Variants in PSG5 observed in about 807,000 individuals in gnomAD.
The protein encoded by PSG5 is pregnancy-specific beta-1-glycoprotein 5.
Under a neutral mutation model 37.7 loss-of-function variants are expected in PSG5, and 53 were observed. The ratio of observed to expected loss-of-function variants is 1.41; its 90% CI spans 1.13 to 1.77. PSG5 has a LOEUF of 1.77. Ranked by LOEUF, PSG5 falls within the 40% of genes most tolerant of loss-of-function variation. The pLI is 0.00. For synonymous variants in PSG5, 221 were observed against 155.4 expected (o/e 1.42, Z -3.14); for missense variants, 547 against 405.2 (o/e 1.35, Z -3.00).
chr19:43,179,709 A>G (rs1286931588), intron 2 of PSG5, among the ~76,000 whole-genome samples: 1 of 151,702 alleles, frequency 6.6e-6, no homozygotes, highest in African/African-American at 2.4e-5. Context: ...CCTGGAGGTC[A>G]GTTCAGTCAT....
intron 2 of PSG5, among the ~76,000 whole-genome samples, chr19:43,178,575 C>T (rs1308094302): frequency 6.6e-6 from 1 of 151,620 alleles, no homozygotes; most frequent in Non-Finnish European, 1.5e-5. Flanking sequence ...AGCCAAGTCG[C>T]AACACTGAAG....
At chr19:43,182,999 A>G (rs1001893256) in intron 2 of PSG5, among the ~76,000 whole-genome samples, 6 of 150,800 alleles carry the variant, frequency 4.0e-5, no homozygotes, top group African/African-American at 1.5e-4. Flanking sequence ...CAGCCAGCCT[A>G]GTTAGAGGGA....
Position 43,186,323 on chromosome 19 carries a change from CA to C in PSG5, c.64+18del, listed in dbSNP as rs1348116124. 1 of 1,611,602 alleles carries C rather than the reference CA, an allele frequency of 6.2e-7. No individual in the cohort carries two copies. Among genetic ancestry groups the C allele is most frequent in the African/African-American group, 1.3e-5 (1 of 74,516 alleles). Reference sequence around the variant, plus strand: ...TCTTCTTCCTCCTCCTGTCCTCTCCCAGGAAGTTCTCTCCTCACCTGTGAGC... The same window carrying C: ...TCTTCTTCCTCCTCCTGTCCTCTCCCGGAAGTTCTCTCCTCACCTGTGAGC... On this transcript the variant is annotated intron_variant, in intron 1 of 5. Transcript: ENST00000342951.
intron 2 of PSG5, among the ~76,000 whole-genome samples, chr19:43,176,805 T>C (rs1304473975): frequency 6.7e-6 from 1 of 150,096 alleles, no homozygotes; most frequent in African/African-American, 2.5e-5. Context: ...TAGAGCAGAG[T>C]GCAAGGAATG....
At position 43,175,297 on chromosome 19, in the gene PSG5, C is replaced by A. The variant is rs532923825; in HGVS notation, c.882G>T (p.Lys294Asn). ...QKLSIPQITT[K>N]HRGLYTCSVR... The stretch of plus-strand genomic sequence containing the variant: ...CAGAGCAAGTATAGAGCCCTCTATG[C>A]TTTGTAGTAATTTGGGGGATAGAGA... Residue 294 changes from lysine to asparagine, a missense_variant, in exon 4 of 6, where the codon AAG becomes AAT. Transcript: ENST00000342951. The A allele has an allele frequency of 2.2e-5, 36 of 1,612,770 alleles. No individual in the cohort carries two copies. Among genetic ancestry groups the A allele is most frequent in the East Asian group, 1.6e-4 (7 of 44,880 alleles).
chr19:43,182,209 C>A (rs1337049024), intron 2 of PSG5, among the ~76,000 whole-genome samples: 3 of 151,668 alleles, frequency 2.0e-5, no homozygotes, highest in Non-Finnish European at 4.4e-5. Context: ...CTTTGTCAAA[C>A]TAGTGAAAGA....
At chr19:43,182,455 C>T (rs1266438355) in intron 2 of PSG5, among the ~76,000 whole-genome samples, 1 of 151,458 alleles carries the variant, frequency 6.6e-6, no homozygotes, top group Non-Finnish European at 1.5e-5. Flanking sequence ...ATGGCTCAGC[C>T]AGTCATGTGG....
At chr19:43,179,241 C>T in intron 2 of PSG5, 1 of 1,423,206 alleles carries the variant, frequency 7.0e-7, no homozygotes, top group Non-Finnish European at 9.7e-7. Flanking sequence ...TTGGCATTTC[C>T]CACCTGTCAG....
At chr19:43,170,236 G>T (rs1158858898) in intron 4 of PSG5, 98 bp from the exon 5 acceptor site, 2 of 1,077,144 alleles carry the variant, frequency 1.9e-6, no homozygotes, top group East Asian at 3.0e-5. Context: ...CTCTATAATT[G>T]TTTCTTCAAG....
At chr19:43,175,116 G>A (rs1968977203) in intron 4 of PSG5, 99 bp downstream of exon 4, 12 of 1,605,760 alleles carry the variant, frequency 7.5e-6, no homozygotes, top group East Asian at 4.5e-5. Context: ...GTGCCCATGG[G>A]ACACAGGCTG....
In PSG5 at chr19:43,179,157, A is replaced by G. The variant is rs370551596; in HGVS notation, c.431-3009T>C. 2,165 of 1,587,450 alleles carry G rather than the reference A, an allele frequency of 1.4e-3. 62 individuals are homozygous for G. The South Asian group carries it at 0.023, about 17-fold the overall frequency. ...GGAGATGGAGGGCTTGGGAGTTTCC[A>G]CTTTGCAGAAAACAGAGAGAAGATT... On this transcript the variant is annotated intron_variant, in intron 2 of 5. Transcript: ENST00000342951.
chr19:43,168,737 T>C (rs567492131), intron 5 of PSG5, among the ~76,000 whole-genome samples: 1 of 151,786 alleles, frequency 6.6e-6, no homozygotes, highest in East Asian at 1.9e-4. Context: ...TCACTTATCC[T>C]TTATTTGAAA....
chr19:43,178,844 G>A (rs1156823764), intron 2 of PSG5: 3 of 1,612,754 alleles, frequency 1.9e-6, no homozygotes, highest in East Asian at 2.2e-5. Flanking sequence ...ATTTGGGATG[G>A]CAGCCTGGCT....
chr19:43,179,303 T>C (rs1969078586), intron 2 of PSG5: 1 of 1,211,718 alleles, frequency 8.3e-7, no homozygotes, highest in East Asian at 2.4e-5. Flanking sequence ...ACAAGACAGA[T>C]GCATGGCAAT....
In PSG5 at chr19:43,185,061, C is replaced by T. The variant is rs536810970; in HGVS notation, c.151G>A (p.Val51Ile). 79 of 1,612,518 alleles carry T rather than the reference C, an allele frequency of 4.9e-5. 1 individual carries two copies. In the South Asian group the frequency reaches 8.5e-4, roughly 17 times the overall value. Residue 51 changes from valine (V) to isoleucine (I), a missense_variant, in exon 2 of 6, where the codon GTT becomes ATT. By Grantham distance (29) the Val-to-Ile change is conservative. Coordinates refer to ENST00000342951, the MANE Select transcript of PSG5 (RefSeq NM_002781.4). Reference protein sequence around the residue: ...LPPKVSEGKDVLLLVHNLPQN... With the variant: ...LPPKVSEGKDILLLVHNLPQN... ...GGCAAATTGTGGACAAGTAGAAGAA[C>T]ATCCTTCCCCTCGGAAACTTTGGGT...
chr19:43,175,780 C>A, intron 3 of PSG5, 90 bp downstream of exon 3: 2 of 1,577,792 alleles, frequency 1.3e-6, no homozygotes. Flanking sequence ...GGTGTCTATA[C>A]TTGGACCGGA....
intron 2 of PSG5, among the ~76,000 whole-genome samples, chr19:43,181,706 G>A (rs1969132287): frequency 6.6e-6 from 1 of 151,752 alleles, no homozygotes; most frequent in Non-Finnish European, 1.5e-5. Context: ...GCCCGCCTCG[G>A]CCTCCCAAAG....
chr19:43,168,029 C>G lies in PSG5; in HGVS notation c.*215G>C. 2.4e-6 allele frequency: 1 copy of G among 414,664 alleles called. No individual in the cohort carries two copies. The highest frequency in any genetic ancestry group is 4.4e-6 in the Non-Finnish European group (1 of 226,072). The allele number at this position is 414,664 out of a possible 1,614,324, so 25.7% of individuals were successfully genotyped here. ...TTTGTCTAGAATTTCATGAAGGTATCAGCCTGTTCATTAAAATTTTGAAAG... is the reference window on the plus strand; with the variant it reads ...TTTGTCTAGAATTTCATGAAGGTATGAGCCTGTTCATTAAAATTTTGAAAG... On this transcript the variant is annotated 3_prime_UTR_variant, in exon 6 of 6. Transcript: ENST00000342951.
At chr19:43,169,543 G>A (rs1316189528) in intron 5 of PSG5, among the ~76,000 whole-genome samples, 1 of 151,578 alleles carries the variant, frequency 6.6e-6, no homozygotes, top group Non-Finnish European at 1.5e-5. Flanking sequence ...AGGAAGTAGA[G>A]GTAAAGGAAG....
Sources: gnomAD v4.1 joint callset for allele counts (sites outside exome capture counted in the v4.1 genomes callset) on GRCh38, gnomAD v4.1.1 for gene constraint, MANE v1.5 for transcripts, NCBI Gene and HGNC (gene_info 2026-07-23, HGNC 2026-07-21) for gene names.